Variants in FHIT observed in about 807,000 individuals in gnomAD.
FHIT encodes the protein fragile histidine triad diadenosine triphosphatase.
FHIT carries 19 observed loss-of-function variants against 17.9 expected under a neutral mutation model. The observed-to-expected ratio is 1.06, with a 90% confidence interval of 0.74 to 1.56. The LOEUF (loss-of-function observed/expected upper bound fraction) is 1.56, where lower values mean the gene tolerates loss of function less well. FHIT is among the 40% of genes most tolerant of loss of function. The probability of loss-of-function intolerance (pLI) is 0.00; values close to 1 mark genes in which losing one functional copy is unlikely to be tolerated. For synonymous variants in FHIT, 81 were observed against 69.7 expected (o/e 1.16, Z -0.81); for missense variants, 248 against 189.2 (o/e 1.31, Z -1.82).
At chr3:60,053,260 C>T (rs551226248) in intron 5 of FHIT, among the ~76,000 whole-genome samples, 13 of 151,716 alleles carry the variant, frequency 8.6e-5, no homozygotes, top group Non-Finnish European at 1.8e-4. Flanking sequence ...ATTATTTTCT[C>T]TCTAGATACA....
chr3:60,230,973 A>G (rs1423447552), intron 5 of FHIT, among the ~76,000 whole-genome samples: 1 of 152,210 alleles, frequency 6.6e-6, no homozygotes, highest in Admixed American at 6.5e-5. Flanking sequence ...GACCTCCCAA[A>G]GTGATTACAG....
intron 5 of FHIT, among the ~76,000 whole-genome samples, chr3:60,507,416 T>C (rs759678365): frequency 6.6e-6 from 1 of 152,194 alleles, no homozygotes; most frequent in African/African-American, 2.4e-5. Flanking sequence ...AAGGCCATGT[T>C]TTAAAAGCTA....
intron 5 of FHIT, among the ~76,000 whole-genome samples, chr3:60,038,171 A>G (rs546605992): frequency 2.0e-5 from 3 of 152,220 alleles, no homozygotes; most frequent in African/African-American, 7.2e-5. Context: ...CAGTTTCCTA[A>G]CCACTGCCAC....
At chr3:60,068,633 C>T (rs1005029669) in intron 5 of FHIT, among the ~76,000 whole-genome samples, 2 of 152,174 alleles carry the variant, frequency 1.3e-5, no homozygotes, top group Admixed American at 1.3e-4. Flanking sequence ...TCCAAAATCA[C>T]AAGTAAAAAC....
At chr3:60,240,615 C>T (rs140748694) in intron 5 of FHIT, among the ~76,000 whole-genome samples, 1 of 152,096 alleles carries the variant, frequency 6.6e-6, no homozygotes, top group Non-Finnish European at 1.5e-5. Context: ...TTATACAATT[C>T]AAATGCTATA....
chr3:60,516,533 C>T (rs996427841), intron 5 of FHIT, among the ~76,000 whole-genome samples: 1 of 152,114 alleles, frequency 6.6e-6, no homozygotes, highest in East Asian at 1.9e-4. Flanking sequence ...AGAGTTAGAC[C>T]ACCTGGATTT....
intron 7 of FHIT, among the ~76,000 whole-genome samples, chr3:59,957,530 T>C (rs1456835100): frequency 6.6e-6 from 1 of 152,280 alleles, no homozygotes; most frequent in Non-Finnish European, 1.5e-5. Flanking sequence ...AATGGATGAA[T>C]GTGTCAACCC....
chr3:60,033,459 A>C (rs1363685066), intron 5 of FHIT, among the ~76,000 whole-genome samples: 1 of 151,842 alleles, frequency 6.6e-6, no homozygotes, highest in Non-Finnish European at 1.5e-5. Context: ...GCGCCATTGC[A>C]CTCCAGCCTA....
chr3:60,661,350 A>G (rs1317682787), intron 4 of FHIT, among the ~76,000 whole-genome samples: 6 of 152,156 alleles, frequency 3.9e-5, no homozygotes, highest in Admixed American at 3.3e-4. Flanking sequence ...ATGATCTCCA[A>G]TTCCACCCAT....
At chr3:60,029,899 G>GTGTC (rs1553655742) in intron 5 of FHIT, among the ~76,000 whole-genome samples, 8 of 123,202 alleles carry the variant, frequency 6.5e-5, no homozygotes, top group African/African-American at 9.7e-5. Context: ...GTGTGTGTCT[G>GTGTC]TGTGTGTGTG....
chr3:61,151,901 T>C (rs1446461110), intron 2 of FHIT, among the ~76,000 whole-genome samples: 1 of 152,184 alleles, frequency 6.6e-6, no homozygotes, highest in Non-Finnish European at 1.5e-5. Context: ...TTTTCTTAAA[T>C]CCAATTTCAC....
intron 5 of FHIT, among the ~76,000 whole-genome samples, chr3:60,135,705 G>C (rs1277459469): frequency 6.6e-6 from 1 of 152,124 alleles, no homozygotes; most frequent in East Asian, 1.9e-4. Flanking sequence ...GCAGGAGCCT[G>C]CACAACCCCA....
intron 7 of FHIT, among the ~76,000 whole-genome samples, chr3:59,943,720 C>T (rs1255974524): frequency 3.9e-5 from 6 of 152,124 alleles, no homozygotes; most frequent in Non-Finnish European, 8.8e-5. Flanking sequence ...TTCTTCTATA[C>T]CTCAACATCA....
chr3:61,204,738 CA>C (rs1343220538), intron 1 of FHIT, among the ~76,000 whole-genome samples: 56 of 150,704 alleles, frequency 3.7e-4, no homozygotes, highest in Admixed American at 1.3e-3. Flanking sequence ...AAATAGGAAC[CA>C]AAAAAAAGCT....
At chr3:61,213,413 C>T (rs2039556601) in intron 1 of FHIT, among the ~76,000 whole-genome samples, 1 of 152,156 alleles carries the variant, frequency 6.6e-6, no homozygotes, top group South Asian at 2.1e-4. Context: ...GAAAGAAGGC[C>T]ATTACGTAAT....
intron 5 of FHIT, among the ~76,000 whole-genome samples, chr3:60,445,752 A>C (rs1485124327): frequency 6.6e-6 from 1 of 151,788 alleles, no homozygotes; most frequent in Non-Finnish European, 1.5e-5. Context: ...AGACAAAGAC[A>C]CAGATGTGAT....
chr3:60,317,068 C>G (rs1709193994), intron 5 of FHIT, among the ~76,000 whole-genome samples: 1 of 152,100 alleles, frequency 6.6e-6, no homozygotes, highest in Admixed American at 6.5e-5. Context: ...AGAAACTTTA[C>G]AGGAAAGTAT....
At chr3:60,267,929 T>A (rs1706668213) in intron 5 of FHIT, among the ~76,000 whole-genome samples, 1 of 152,192 alleles carries the variant, frequency 6.6e-6, no homozygotes, top group African/African-American at 2.4e-5. Flanking sequence ...TTTTTAAAAG[T>A]GCTAAACTAT....
intron 7 of FHIT, among the ~76,000 whole-genome samples, chr3:59,947,619 G>C (rs1706878393): frequency 1.3e-5 from 2 of 152,134 alleles, no homozygotes; most frequent in African/African-American, 2.4e-5. Flanking sequence ...GCTTAGCTCA[G>C]CACTCCTGGG....
Sources: allele counts gnomAD v4.1 joint callset (sites outside exome capture counted in the v4.1 genomes callset), GRCh38; gene constraint gnomAD v4.1.1; transcripts MANE v1.5; gene names NCBI Gene and HGNC (gene_info 2026-07-23, HGNC 2026-07-21).